The following CCDC82 variants were observed in gnomAD, a reference collection of about 807,000 sequenced individuals.
CCDC82 encodes the protein coiled-coil domain containing 82.
A neutral mutation model predicts 60.6 loss-of-function variants in CCDC82; 47 were observed. The ratio of observed to expected loss-of-function variants is 0.77; its 90% CI spans 0.61 to 0.99. The LOEUF (loss-of-function observed/expected upper bound fraction) is 0.99. Among genes scored for constraint, CCDC82 ranks in the 50% least tolerant of loss-of-function variants. The pLI is 0.00. For missense variants in CCDC82, 588 were observed against 633.0 expected (o/e 0.93, Z 0.76); for synonymous variants, 212 against 207.4 (o/e 1.02, Z -0.19).
chr11:96,371,260 T>TA, intron 6 of CCDC82, 123 bp from the exon 7 acceptor site: 1 of 625,006 alleles, frequency 1.6e-6, no homozygotes. Context: ...AAAAAATATT[T>TA]AAAAAATCAT....
rs1054854966 is a variant in CCDC82 at position 96,356,722 on chromosome 11, C to G, written c.1566+2271G>C. On this transcript the variant is annotated intron_variant, in intron 9 of 9. Transcript: ENST00000646818. Reference sequence around the variant, plus strand: ...TTCTTATACTCAAGTTGCTCCTACACCCCTTTAGTATCATTACATTAAAAA... The same window carrying G: ...TTCTTATACTCAAGTTGCTCCTACAGCCCTTTAGTATCATTACATTAAAAA... 4 of 971,852 alleles carry G rather than the reference C, an allele frequency of 4.1e-6. No individual in the cohort carries two copies. In the African/African-American group the frequency reaches 7.0e-5, roughly 17 times the overall value. 60.2% of individuals were successfully genotyped at this position (971,852 alleles called of 1,614,324 possible). A position where few individuals can be genotyped will look rare whatever the true frequency, so the allele number is the denominator to read the frequency against.
chr11:96,368,572 G>T (rs1283951848), intron 7 of CCDC82, among the ~76,000 whole-genome samples: 4 of 152,130 alleles, frequency 2.6e-5, no homozygotes, highest in African/African-American at 9.7e-5. Context: ...AGCTATAAAA[G>T]TCCTAGATGG....
rs939685956 is a variant in CCDC82, at chr11:96,357,945, A to G, written c.1566+1048T>C. 5.9e-5 allele frequency: 58 copies of G among 985,480 alleles called. No individual in the cohort carries two copies. In the African/African-American group the frequency reaches 9.9e-4, roughly 17 times the overall value. The allele number at this position is 985,480 out of a possible 1,614,324, so 61.0% of individuals were successfully genotyped here. ...ACTTAAGGATCAAGATGTGGGGGGC[A>G]GGCAAGATCACTGGGTGGTGGTTTG... On this transcript the variant is annotated intron_variant, in intron 9 of 9. Coordinates refer to ENST00000646818, the MANE Select transcript of CCDC82 (RefSeq NM_024725.4).
chr11:96,384,055 T>C lies in CCDC82; in HGVS notation c.693A>G (p.Thr231=). ...VEMEQKTPEK[T]LAAQKREKLQ... is the part of the protein sequence containing the mutation. ...GTTTTTCTCGCTTTTGTGCAGCTAA[T>C]GTTTTTTCAGGAGTCTTTTGCTCCA... Residue 231 remains threonine (T), a synonymous_variant, in exon 4 of 10, where the codon ACA becomes ACG. Coordinates refer to ENST00000646818, the MANE Select transcript of CCDC82 (RefSeq NM_024725.4). 6.2e-7 allele frequency: 1 copy of C among 1,613,818 alleles called. No homozygotes were observed. The highest frequency in any genetic ancestry group is 8.5e-7 in the Non-Finnish European group (1 of 1,179,756).
rs754958317 is a variant in CCDC82 at position 96,383,456 on chromosome 11, A to C, written c.804T>G (p.Ser268=). The C allele has an allele frequency of 1.2e-6, 2 of 1,602,882 alleles. No individual in the cohort carries two copies. Among genetic ancestry groups the C allele is most frequent in the South Asian group, 2.2e-5 (2 of 89,772 alleles). The stretch of plus-strand genomic sequence containing the variant: ...CATCAACTTCATCACTGCTTGGGCA[A>C]GATTCCTTTTCAGAGTCCTAATTAA... ...GRDFEDSEKE[S]CPSSDEVDEE... is the part of the protein sequence containing the mutation. Residue 268 remains serine, a synonymous_variant, in exon 5 of 10, where the codon TCT becomes TCG. Transcript: ENST00000646818.
At chr11:96,360,779 C>T (rs1362575458) in intron 8 of CCDC82, among the ~76,000 whole-genome samples, 2 of 152,172 alleles carry the variant, frequency 1.3e-5, no homozygotes, top group African/African-American at 4.8e-5. Context: ...TGATGATAGA[C>T]AAAGCAGGAG....
At chr11:96,366,887 A>G (rs553491639) in intron 7 of CCDC82, among the ~76,000 whole-genome samples, 18 of 152,378 alleles carry the variant, frequency 1.2e-4, no homozygotes, top group Non-Finnish European at 2.1e-4. Flanking sequence ...TAAAGTAAAT[A>G]TATCAATAAC....
At chr11:96,363,287 T>C (rs1864768170) in intron 8 of CCDC82, 1 of 152,218 alleles carries the variant, frequency 6.6e-6, no homozygotes, top group Non-Finnish European at 1.5e-5. Flanking sequence ...GGATCATAAC[T>C]AGGTTTATTT....
chr11:96,357,447 T>G (rs1565298285), intron 9 of CCDC82: 4 of 984,880 alleles, frequency 4.1e-6, no homozygotes, highest in Admixed American at 6.2e-5. Context: ...AAGCCTAAGC[T>G]CCTTTCTTTT....
chr11:96,383,324 T>G lies in CCDC82; in HGVS notation c.936A>C (p.Gln312His). ...GTGATGTAGTCAATTTTTCTCCTTG[T>G]TGGTTTTTATTCTCTTCATCACCCT... ...DEEGDEENKN[Q>H]QGEKLTTSQL... Residue 312 changes from glutamine (Q) to histidine (H), a missense_variant, in exon 5 of 10, where the codon CAA (glutamine) becomes CAC (histidine). Transcript: ENST00000646818. 1 of 1,608,338 alleles carries G rather than the reference T, an allele frequency of 6.2e-7. No homozygotes were observed.
At chr11:96,358,949 G>A (rs778715543) in intron 9 of CCDC82, 44 bp downstream of exon 9, 13 of 1,441,430 alleles carry the variant, frequency 9.0e-6, no homozygotes, top group Non-Finnish European at 1.1e-5. Context: ...ATCATAATTA[G>A]CCTTCAGAAT....
intron 5 of CCDC82, among the ~76,000 whole-genome samples, chr11:96,377,793 T>C (rs1443436709): frequency 6.6e-6 from 1 of 152,116 alleles, no homozygotes; most frequent in Non-Finnish European, 1.5e-5. Context: ...AAACAGTTCA[T>C]ACATCTGTTT....
intron 5 of CCDC82, among the ~76,000 whole-genome samples, chr11:96,374,271 C>T (rs996208847): frequency 4.6e-5 from 7 of 152,126 alleles, no homozygotes; most frequent in Non-Finnish European, 2.9e-5. Flanking sequence ...AGATGTCTGA[C>T]AAGGGATTAA....
chr11:96,359,217 A>C (rs1864504604), intron 8 of CCDC82, 39 bp from the exon 9 acceptor site: 1 of 1,473,900 alleles, frequency 6.8e-7, no homozygotes. Context: ...GACAACGAAT[A>C]TATATCCTTT....
intron 5 of CCDC82, among the ~76,000 whole-genome samples, chr11:96,376,387 C>G (rs186553080): frequency 1.1e-3 from 139 of 128,300 alleles, no homozygotes; most frequent in Non-Finnish European, 2.0e-3. Flanking sequence ...TGTTCTGTTT[C>G]ACAGTAAAGT....
chr11:96,373,242 A>C (rs1865379511), intron 6 of CCDC82, 133 bp downstream of exon 6: 1 of 578,520 alleles, frequency 1.7e-6, no homozygotes, highest in Admixed American at 3.3e-5. Context: ...TTGATCCTAC[A>C]GGGAAAACAT....
chr11:96,372,405 C>T lies in CCDC82; in HGVS notation c.1084+970G>A, dbSNP rs148421332. 8.6e-3 allele frequency among the ~76,000 whole-genome samples: 1,309 copies of T among 151,654 alleles called. 18 individuals are homozygous for T. The highest frequency in any genetic ancestry group is 0.034 in the Admixed American group (517 of 15,182). On this transcript the variant is annotated intron_variant, in intron 6 of 9. Transcript: ENST00000646818. ...TTACTCATTTATTGTCTGTCTCTCCCATTAGACTATAAGTAACATGAGTGC... is the reference window on the plus strand; with the variant it reads ...TTACTCATTTATTGTCTGTCTCTCCTATTAGACTATAAGTAACATGAGTGC...
chr11:96,388,898 T>C (rs1354114060), intron 1 of CCDC82: 1 of 152,212 alleles, frequency 6.6e-6, no homozygotes, highest in Non-Finnish European at 1.5e-5. Flanking sequence ...TCTACCAAAA[T>C]GCAAGCACCT....
At chr11:96,386,205 A>G (rs1866181434) in intron 3 of CCDC82, 49 bp downstream of exon 3, 1 of 152,510 alleles carries the variant, frequency 6.6e-6, no homozygotes, top group African/African-American at 2.4e-5. Context: ...TTCTGAAGGT[A>G]ATTACAAAAA....
Sources: allele counts gnomAD v4.1 joint callset (sites outside exome capture counted in the v4.1 genomes callset), GRCh38; gene constraint gnomAD v4.1.1; transcripts MANE v1.5; gene names NCBI Gene and HGNC (gene_info 2026-07-23, HGNC 2026-07-21).